Variants in SGCZ observed in about 807,000 individuals in gnomAD.
The protein encoded by SGCZ is sarcoglycan zeta.
A neutral mutation model predicts 41.3 loss-of-function variants in SGCZ; 40 were observed. The observed-to-expected ratio is 0.97, with a 90% CI of 0.75 to 1.26. SGCZ has a LOEUF of 1.26. SGCZ is among the 50% of genes most tolerant of loss of function. The probability of loss-of-function intolerance (pLI) is 0.00; values close to 1 mark genes in which losing one functional copy is unlikely to be tolerated. For synonymous variants in SGCZ, 206 were observed against 137.5 expected (o/e 1.50, Z -3.49); for missense variants, 552 against 369.8 (o/e 1.49, Z -4.04).
At chr8:14,847,123 AAGAAAGAAG>A (rs1340396569) in intron 1 of SGCZ, among the ~76,000 whole-genome samples, 13 of 103,314 alleles carry the variant, frequency 1.3e-4, no homozygotes, top group African/African-American at 4.8e-4. Context: ...GAAGAAGAAG[AAGAAAGAAG>A]AAGAAGAAGA....
In SGCZ at chr8:14,145,434, C is replaced by T. The variant is rs551464103; in HGVS notation, c.547+19146G>A. Among the ~76,000 whole-genome samples, 13 of 152,292 alleles carry T rather than the reference C, an allele frequency of 8.5e-5. 1 individual carries two copies. Among genetic ancestry groups the T allele is most frequent in the African/African-American group, 3.1e-4 (13 of 41,564 alleles). On this transcript the variant is annotated intron_variant, in intron 5 of 7. Coordinates refer to ENST00000382080, the MANE Select transcript of SGCZ (RefSeq NM_139167.4). Reference sequence around the variant, plus strand: ...CAGGTTAGATCACAACACCCAAGTCCTTTCAAATACCCGAAAGTCTTCCAG... The same window carrying T: ...CAGGTTAGATCACAACACCCAAGTCTTTTCAAATACCCGAAAGTCTTCCAG...
intron 1 of SGCZ, among the ~76,000 whole-genome samples, chr8:15,111,793 G>A (rs937065736): frequency 6.6e-6 from 1 of 151,908 alleles, no homozygotes; most frequent in African/African-American, 2.4e-5. Flanking sequence ...CCAGCTACTT[G>A]GGAGGCTGAG....
At chr8:14,438,943 A>T (rs1800167583) in intron 2 of SGCZ, among the ~76,000 whole-genome samples, 1 of 152,046 alleles carries the variant, frequency 6.6e-6, no homozygotes. Flanking sequence ...TTTTTAAAAC[A>T]CCTTTAGAAT....
intron 2 of SGCZ, among the ~76,000 whole-genome samples, chr8:14,351,586 TA>T (rs1803096358): frequency 6.6e-6 from 1 of 151,270 alleles, no homozygotes; most frequent in African/African-American, 2.4e-5. Flanking sequence ...ATGTATATAT[TA>T]TATAGGAAAT....
chr8:14,714,284 A>G (rs931311806), intron 1 of SGCZ, among the ~76,000 whole-genome samples: 2 of 152,066 alleles, frequency 1.3e-5, no homozygotes, highest in Non-Finnish European at 2.9e-5. Flanking sequence ...TTTCTTTACC[A>G]TATGCTGAAG....
intron 1 of SGCZ, among the ~76,000 whole-genome samples, chr8:14,691,859 A>C (rs889941586): frequency 6.6e-6 from 1 of 152,026 alleles, no homozygotes; most frequent in African/African-American, 2.4e-5. Context: ...ACCCTAATAC[A>C]TAATTTTATA....
At chr8:14,688,704 T>A (rs1367221089) in intron 1 of SGCZ, among the ~76,000 whole-genome samples, 1 of 152,146 alleles carries the variant, frequency 6.6e-6, no homozygotes, top group Non-Finnish European at 1.5e-5. Context: ...ATATGAACTT[T>A]AAAGTAGTTT....
At position 14,198,726 on chromosome 8, in the gene SGCZ, T is replaced by C. The variant is rs144071972; in HGVS notation, c.425-34024A>G. Among the ~76,000 whole-genome samples, 472 of 152,336 alleles carry C rather than the reference T, an allele frequency of 3.1e-3. 2 individuals are homozygous for C. The highest frequency in any genetic ancestry group is 1.0e-2 in the African/African-American group (414 of 41,592). ...CAAACGGAGGGACCAGCTGAAGCCA[T>C]GGCAGAAGAACATAAATTGTGATGA... On this transcript the variant is annotated intron_variant, in intron 4 of 7. Transcript: ENST00000382080.
intron 1 of SGCZ, among the ~76,000 whole-genome samples, chr8:15,166,090 C>G (rs1799656013): frequency 6.6e-6 from 1 of 152,186 alleles, no homozygotes; most frequent in African/African-American, 2.4e-5. Context: ...TTCCCAAAAT[C>G]AAACTCCAGT....
chr8:14,453,650 A>G lies in SGCZ; in HGVS notation c.234+101082T>C, dbSNP rs914066956. ...AAACTGCAAATATTACCTGCTTTAC[A>G]TTCTTAGTCAAAATTCAGAATTTAA... On this transcript the variant is annotated intron_variant, in intron 2 of 7. Transcript: ENST00000382080. Among the ~76,000 whole-genome samples, 154 of 152,212 alleles carry G rather than the reference A, an allele frequency of 1.0e-3. 1 individual carries two copies. Among genetic ancestry groups the G allele is most frequent in the Non-Finnish European group, 2.2e-4 (15 of 68,028 alleles).
intron 1 of SGCZ, among the ~76,000 whole-genome samples, chr8:14,711,499 G>A (rs1371644857): frequency 6.7e-6 from 1 of 149,878 alleles, no homozygotes; most frequent in African/African-American, 2.5e-5. Flanking sequence ...CTACTGAGAA[G>A]GCTGACGCAG....
chr8:14,559,037 A>G (rs541680829), intron 1 of SGCZ, among the ~76,000 whole-genome samples: 2 of 152,246 alleles, frequency 1.3e-5, no homozygotes, highest in African/African-American at 4.8e-5. Flanking sequence ...TGAATGCGGA[A>G]AAGTTGAAAG....
At chr8:14,354,420 A>C (rs1056534909) in intron 2 of SGCZ, among the ~76,000 whole-genome samples, 9 of 151,972 alleles carry the variant, frequency 5.9e-5, no homozygotes, top group Non-Finnish European at 7.4e-5. Flanking sequence ...GAATATAGTA[A>C]GATATTTTCT....
intron 2 of SGCZ, among the ~76,000 whole-genome samples, chr8:14,392,036 G>T (rs550146116): frequency 6.6e-6 from 1 of 152,242 alleles, no homozygotes; most frequent in Non-Finnish European, 1.5e-5. Context: ...TGAGATTTGA[G>T]TATGGACACA....
chr8:15,178,070 T>G (rs2117079816), intron 1 of SGCZ, among the ~76,000 whole-genome samples: 1 of 152,296 alleles, frequency 6.6e-6, no homozygotes, highest in Non-Finnish European at 1.5e-5. Context: ...CATTCCACTC[T>G]GAATTCCCTG....
chr8:14,339,021 G>A (rs1042102037), intron 2 of SGCZ, among the ~76,000 whole-genome samples: 1 of 152,172 alleles, frequency 6.6e-6, no homozygotes, highest in African/African-American at 2.4e-5. Context: ...AGAGAAATTA[G>A]TACATTAATA....
intron 2 of SGCZ, among the ~76,000 whole-genome samples, chr8:14,464,838 G>C (rs1801004970): frequency 6.6e-6 from 1 of 150,966 alleles, no homozygotes; most frequent in African/African-American, 2.4e-5. Context: ...TTTATCTTTT[G>C]ATCATTGGTT....
At chr8:14,815,480 T>C (rs576178456) in intron 1 of SGCZ, among the ~76,000 whole-genome samples, 5 of 152,222 alleles carry the variant, frequency 3.3e-5, no homozygotes, top group African/African-American at 1.2e-4. Flanking sequence ...ACAGGACCTT[T>C]GTGATGAAAA....
At chr8:14,809,094 G>A (rs1033086226) in intron 1 of SGCZ, among the ~76,000 whole-genome samples, 3 of 146,668 alleles carry the variant, frequency 2.0e-5, no homozygotes, top group Admixed American at 6.7e-5. Context: ...GTGGGTGGAG[G>A]GGGGAGGGAT....
Sources: allele counts gnomAD v4.1 joint callset (sites outside exome capture counted in the v4.1 genomes callset), GRCh38; gene constraint gnomAD v4.1.1; transcripts MANE v1.5; gene names NCBI Gene and HGNC (gene_info 2026-07-23, HGNC 2026-07-21).